SLC27A6: variants seen among roughly 807,000 people sequenced by gnomAD.
The protein encoded by SLC27A6 is solute carrier family 27 member 6, also known as long-chain fatty acid transport protein 6.
A neutral mutation model predicts 63.9 loss-of-function variants in SLC27A6; 74 were observed. The observed-to-expected ratio is 1.16, with a 90% CI of 0.96 to 1.40. The LOEUF (loss-of-function observed/expected upper bound fraction) is 1.40. SLC27A6 is among the 40% of genes most tolerant of loss of function. The probability of loss-of-function intolerance (pLI) is 0.00; values close to 1 mark genes in which losing one functional copy is unlikely to be tolerated. For missense variants in SLC27A6, 794 were observed against 732.9 expected, an observed-to-expected ratio of 1.08 and a Z score of -0.96; for synonymous variants, 287 against 260.8, an observed-to-expected ratio of 1.10 and a Z score of -0.97.
At chr5:129,001,521 G>T (rs1286934190) in intron 4 of SLC27A6, among the ~76,000 whole-genome samples, 1 of 152,186 alleles carries the variant, frequency 6.6e-6, no homozygotes, top group Admixed American at 6.5e-5. Context: ...TTAGGAAAAA[G>T]AAGTCTTATA....
At chr5:128,980,168 C>A (rs772436026) in intron 1 of SLC27A6, among the ~76,000 whole-genome samples, 1 of 151,930 alleles carries the variant, frequency 6.6e-6, no homozygotes, top group African/African-American at 2.4e-5. Context: ...ATTGTATGTC[C>A]TCATCATCAT....
chr5:128,987,183 C>T (rs149843057), intron 2 of SLC27A6, among the ~76,000 whole-genome samples: 2 of 152,100 alleles, frequency 1.3e-5, no homozygotes, highest in Admixed American at 1.3e-4. Context: ...TATATGTTCT[C>T]TTTAATATAT....
intron 4 of SLC27A6, among the ~76,000 whole-genome samples, chr5:129,011,886 A>G (rs955790157): frequency 1.3e-5 from 2 of 152,176 alleles, no homozygotes; most frequent in African/African-American, 4.8e-5. Context: ...TGGAAGGTAA[A>G]TAAATTTTCT....
chr5:128,977,422 G>C (rs1750427611), intron 1 of SLC27A6, among the ~76,000 whole-genome samples: 2 of 152,062 alleles, frequency 1.3e-5, no homozygotes, highest in Admixed American at 6.6e-5. Context: ...AGTGGAAAAG[G>C]TACTCAAAGT....
At chr5:128,969,528 T>A (rs1476193180) in intron 1 of SLC27A6, among the ~76,000 whole-genome samples, 1 of 152,202 alleles carries the variant, frequency 6.6e-6, no homozygotes, top group Non-Finnish European at 1.5e-5. Context: ...TTTGTAGCAA[T>A]TGTGAATGGG....
rs148864919 is a variant in SLC27A6 at position 128,966,364 on chromosome 5, A to G, written c.227A>G (p.Glu76Gly). The change falls in exon 1 of 10, where the codon GAG (glutamate) becomes GGG (glycine). Residue 76 changes from glutamate (E) to glycine (G), a missense_variant. Physicochemically the swap from Glu to Gly is moderately conservative, Grantham distance 98 (BLOSUM62 -2). Transcript: ENST00000262462. Reference protein sequence around the residue: ...RQPRKPFIIYEGDIYTYQDVD... With the variant: ...RQPRKPFIIYGGDIYTYQDVD... ...CCTCGGAAACCTTTCATCATCTATGAGGGAGACATCTACACCTATCAGGAT... is the reference window on the plus strand; with the variant it reads ...CCTCGGAAACCTTTCATCATCTATGGGGGAGACATCTACACCTATCAGGAT... The G allele has an allele frequency of 1.2e-6, 2 of 1,613,180 alleles. No homozygotes were observed. The highest frequency in any genetic ancestry group is 3.3e-5 in the Admixed American group (2 of 59,940).
Position 129,027,288 on chromosome 5 carries a change from G to A in SLC27A6, c.1411G>A (p.Asp471Asn). 1 of 1,613,106 alleles carries A rather than the reference G, an allele frequency of 6.2e-7. No individual in the cohort carries two copies. ...TGGAGACTTAATAGTCCAGGATCAG[G>A]ACAATTTCCTTTATTTTTGGGACCG... ...NTGDLIVQDQ[D>N]NFLYFWDRTG... The change falls in exon 7 of 10, where the codon GAC becomes AAC. Residue 471 changes from aspartate (D) to asparagine (N), a missense_variant. Transcript: ENST00000262462.
chr5:129,003,515 A>G (rs562718969), intron 4 of SLC27A6, among the ~76,000 whole-genome samples: 33 of 152,312 alleles, frequency 2.2e-4, no homozygotes, highest in Admixed American at 1.6e-3. Context: ...TGGTTCAGGA[A>G]AAATGAACAA....
At chr5:129,020,633 T>A (rs1752044156) in intron 5 of SLC27A6, among the ~76,000 whole-genome samples, 2 of 152,166 alleles carry the variant, frequency 1.3e-5, no homozygotes, top group South Asian at 4.1e-4. Flanking sequence ...CTCATTTCTT[T>A]AACCATTTTC....
In SLC27A6 at chr5:129,015,277, T is replaced by C. The variant is rs937410166; in HGVS notation, c.970-608T>C. ...TTAATTCTAAAATATGAATGAAAAG[T>C]AAAACTGTGAGAATATTGCACATTC... is the stretch of plus-strand genomic sequence containing the variant. On this transcript the variant is annotated intron_variant, in intron 4 of 9. Coordinates refer to ENST00000262462, the MANE Select transcript of SLC27A6 (RefSeq NM_001017372.3). Among the ~76,000 whole-genome samples the C allele has an allele frequency of 5.9e-5, 9 of 152,130 alleles. No individual in the cohort carries two copies. The South Asian group carries it at 8.3e-4, about 14-fold the overall frequency.
intron 1 of SLC27A6, among the ~76,000 whole-genome samples, chr5:128,974,275 T>TA (rs2150128692): frequency 6.6e-6 from 1 of 152,340 alleles, no homozygotes; most frequent in South Asian, 2.1e-4. Context: ...TTTTTGTTTT[T>TA]AACACCAACA....
At chr5:129,005,700 C>A (rs1337998243) in intron 4 of SLC27A6, among the ~76,000 whole-genome samples, 1 of 150,282 alleles carries the variant, frequency 6.7e-6, no homozygotes, top group African/African-American at 2.5e-5. Flanking sequence ...GCAAGCTCCG[C>A]CTCCTGGGTT....
At chr5:129,024,579 C>T (rs550098164) in intron 6 of SLC27A6, among the ~76,000 whole-genome samples, 3 of 152,208 alleles carry the variant, frequency 2.0e-5, no homozygotes, top group South Asian at 4.1e-4. Flanking sequence ...CTCCCTCTCA[C>T]TCCCCTCCCT....
intron 1 of SLC27A6, among the ~76,000 whole-genome samples, chr5:128,982,327 A>C (rs967709993): frequency 6.6e-6 from 1 of 152,198 alleles, no homozygotes; most frequent in African/African-American, 2.4e-5. Context: ...CTTATGAAAG[A>C]AGTGACATTG....
chr5:128,985,739 C>G (rs938447980), intron 2 of SLC27A6, among the ~76,000 whole-genome samples: 2 of 152,134 alleles, frequency 1.3e-5, no homozygotes, highest in Admixed American at 6.5e-5. Flanking sequence ...TAAATAGTTT[C>G]TACTGATTCT....
chr5:129,010,755 A>G (rs1751700896), intron 4 of SLC27A6, among the ~76,000 whole-genome samples: 1 of 152,118 alleles, frequency 6.6e-6, no homozygotes, highest in Non-Finnish European at 1.5e-5. Flanking sequence ...TCTCAGTCCT[A>G]CACCCTCCAG....
At chr5:129,028,149 G>C (rs189890818) in intron 7 of SLC27A6, among the ~76,000 whole-genome samples, 196 bp from the exon 8 acceptor site, 55 of 152,120 alleles carry the variant, frequency 3.6e-4, no homozygotes, top group African/African-American at 1.2e-3. Flanking sequence ...AAGTAATTTT[G>C]ACTAAAAGAC....
At chr5:128,971,584 C>CTT (rs201786554) in intron 1 of SLC27A6, among the ~76,000 whole-genome samples, 149 of 137,478 alleles carry the variant, frequency 1.1e-3, no homozygotes, top group African/African-American at 3.0e-3. Context: ...GCAACCCCTG[C>CTT]TTTTTGTTTT....
chr5:128,979,518 T>G (rs1750510998), intron 1 of SLC27A6, among the ~76,000 whole-genome samples: 1 of 152,176 alleles, frequency 6.6e-6, no homozygotes, highest in Non-Finnish European at 1.5e-5. Flanking sequence ...TACTAATGAG[T>G]CTGTCTGTAG....
Sources: allele counts gnomAD v4.1 joint callset (sites outside exome capture counted in the v4.1 genomes callset), GRCh38; gene constraint gnomAD v4.1.1; transcripts MANE v1.5; gene names NCBI Gene and HGNC (gene_info 2026-07-23, HGNC 2026-07-21).